ZFHX4: variants seen among roughly 807,000 people sequenced by gnomAD.
The protein encoded by ZFHX4 is zinc finger homeobox 4.
ZFHX4 carries 56 observed loss-of-function variants against 267.6 expected under a neutral mutation model. The ratio of observed to expected loss-of-function variants is 0.21; its 90% CI spans 0.17 to 0.26. The LOEUF (loss-of-function observed/expected upper bound fraction) is 0.26. ZFHX4 is among the 10% of genes least tolerant of loss of function. The probability of loss-of-function intolerance (pLI) is 1.00; values close to 1 mark genes in which losing one functional copy is unlikely to be tolerated. For synonymous variants in ZFHX4, 1,778 were observed against 1,665.6 expected, an observed-to-expected ratio of 1.07 and a Z score of -1.64; for missense variants, 4,332 against 4,420.0, an observed-to-expected ratio of 0.98 and a Z score of 0.56.
chr8:76,852,570 A>G lies in ZFHX4; in HGVS notation c.5649A>G (p.Lys1883=). 8 of 1,611,494 alleles carry G rather than the reference A, an allele frequency of 5.0e-6. No individual in the cohort carries two copies. The highest frequency in any genetic ancestry group is 6.8e-6 in the Non-Finnish European group (8 of 1,178,640). Residue 1883 remains lysine, a synonymous_variant, in exon 10 of 11, where the codon AAA becomes AAG. Transcript: ENST00000651372. ...AAGGTGAAGGACTCAAAGAAGGCAAAGACACAAAGAAGCAAAAATCCTTGG... is the reference window on the plus strand; with the variant it reads ...AAGGTGAAGGACTCAAAGAAGGCAAGGACACAAAGAAGCAAAAATCCTTGG... The part of the protein sequence containing the change: ...ISEGEGLKEG[K]DTKKQKSLEP...
At chr8:76,681,753 C>T (rs943132350) in intron 1 of ZFHX4, 133 bp downstream of exon 1, 1 of 324,678 alleles carries the variant, frequency 3.1e-6, no homozygotes, top group Non-Finnish European at 5.5e-6. Context: ...CTCTCTTCCT[C>T]TCTACCCCTA....
At chr8:76,738,702 C>T (rs1809235948) in intron 3 of ZFHX4, among the ~76,000 whole-genome samples, 1 of 132,202 alleles carries the variant, frequency 7.6e-6, no homozygotes, top group African/African-American at 2.8e-5. Flanking sequence ...CCCTCCCTTT[C>T]TCTCTCTCTT....
At chr8:76,835,209 G>GTATAGATATGTATATATATA in intron 5 of ZFHX4, among the ~76,000 whole-genome samples, 1 of 46,482 alleles carries the variant, frequency 2.2e-5, no homozygotes, top group East Asian at 1.1e-3. Flanking sequence ...TTGCTTTGGT[G>GTATAGATATGTATATATATA]TATATATATG....
At chr8:76,787,783 A>C (rs1810732499) in intron 4 of ZFHX4, among the ~76,000 whole-genome samples, 1 of 152,064 alleles carries the variant, frequency 6.6e-6, no homozygotes, top group African/African-American at 2.4e-5. Flanking sequence ...ACTGCACTCC[A>C]GCCTGGGCAA....
At chr8:76,681,962 A>G (rs1399889335) in intron 1 of ZFHX4, among the ~76,000 whole-genome samples, 1 of 152,146 alleles carries the variant, frequency 6.6e-6, no homozygotes, top group Non-Finnish European at 1.5e-5. Context: ...TTTTGGATTA[A>G]GTGGCGGAGG....
At chr8:76,711,209 T>C (rs574786894) in intron 3 of ZFHX4, among the ~76,000 whole-genome samples, 1 of 152,232 alleles carries the variant, frequency 6.6e-6, no homozygotes, top group Admixed American at 6.5e-5. Flanking sequence ...TTCCATAGAA[T>C]TTTTTTAAAA....
chr8:76,812,515 A>T (rs1182813987), intron 4 of ZFHX4, among the ~76,000 whole-genome samples: 2 of 152,210 alleles, frequency 1.3e-5, no homozygotes, highest in Non-Finnish European at 2.9e-5. Context: ...TAGGTTTTAA[A>T]TTTCTTATAC....
rs1255569312 is a variant in ZFHX4, at chr8:76,854,038, G to C, written c.7117G>C (p.Ala2373Pro). 3.1e-6 allele frequency: 5 copies of C among 1,613,798 alleles called. No homozygotes were observed. The highest frequency in any genetic ancestry group is 4.2e-6 in the Non-Finnish European group (5 of 1,179,876). The change falls in exon 10 of 11, where the codon GCT (alanine) becomes CCT (proline). Residue 2373 changes from alanine (A) to proline (P), a missense_variant. Physicochemically the swap from Ala to Pro is conservative, Grantham distance 27. Around this residue, in one of 7 missense-constraint regions of ZFHX4, gnomAD observed 1,648 missense variants for 1,625.0 expected, o/e 1.01. Transcript: ENST00000651372. ...HCTVSGQTDA[A>P]KNAAAPAASS... ...CACAGTGTCTGGCCAAACGGATGCA[G>C]CTAAAAACGCTGCTGCCCCTGCAGC...
chr8:76,686,406 A>G (rs150177132), intron 1 of ZFHX4, among the ~76,000 whole-genome samples: 233 of 152,304 alleles, frequency 1.5e-3, no homozygotes, highest in African/African-American at 5.4e-3. Flanking sequence ...GCTTCTGCTT[A>G]ATTTGCAGAA....
At chr8:76,861,166 T>C (rs1812856665) in intron 10 of ZFHX4, among the ~76,000 whole-genome samples, 1 of 152,212 alleles carries the variant, frequency 6.6e-6, no homozygotes, top group South Asian at 2.1e-4. Flanking sequence ...TGTGAGCCAT[T>C]CTTCAGTAAA....
intron 3 of ZFHX4, among the ~76,000 whole-genome samples, chr8:76,761,433 T>C (rs778731341): frequency 1.3e-5 from 2 of 152,216 alleles, no homozygotes; most frequent in Non-Finnish European, 2.9e-5. Context: ...TCATTACATG[T>C]AGTGGCCATG....
intron 3 of ZFHX4, among the ~76,000 whole-genome samples, chr8:76,746,494 C>T (rs1220142977): frequency 6.6e-5 from 10 of 152,136 alleles, no homozygotes; most frequent in Non-Finnish European, 4.4e-5. Context: ...GGATTCACCC[C>T]GGTGATCATT....
intron 3 of ZFHX4, among the ~76,000 whole-genome samples, chr8:76,722,569 A>T (rs879285025): frequency 1.3e-5 from 2 of 151,686 alleles, no homozygotes; most frequent in African/African-American, 4.8e-5. Context: ...GGTATTTTCT[A>T]TCTTAAGGTG....
chr8:76,783,578 G>C (rs1810608653), intron 4 of ZFHX4, among the ~76,000 whole-genome samples: 1 of 151,842 alleles, frequency 6.6e-6, no homozygotes, highest in Non-Finnish European at 1.5e-5. Context: ...CAGCATTCTT[G>C]CATAATGTAT....
At chr8:76,714,396 T>C (rs1415593748) in intron 3 of ZFHX4, among the ~76,000 whole-genome samples, 3 of 152,204 alleles carry the variant, frequency 2.0e-5, no homozygotes, top group Non-Finnish European at 2.9e-5. Context: ...CATCTGGACT[T>C]CCTGAACTTT....
chr8:76,684,813 T>C (rs1807650722), intron 1 of ZFHX4, among the ~76,000 whole-genome samples: 1 of 152,248 alleles, frequency 6.6e-6, no homozygotes, highest in Non-Finnish European at 1.5e-5. Flanking sequence ...AGTTGGATTA[T>C]TTTAAAAGAT....
chr8:76,843,431 G>A (rs1812287462), intron 6 of ZFHX4, among the ~76,000 whole-genome samples: 1 of 152,114 alleles, frequency 6.6e-6, no homozygotes, highest in South Asian at 2.1e-4. Context: ...TACTGTCTTT[G>A]AAAACAAACC....
In ZFHX4 at chr8:76,852,826, C is replaced by T; in HGVS notation, c.5905C>T (p.His1969Tyr). 1 of 1,613,872 alleles carries T rather than the reference C, an allele frequency of 6.2e-7. No individual in the cohort carries two copies. The highest frequency in any genetic ancestry group is 8.5e-7 in the Non-Finnish European group (1 of 1,179,842). Residue 1969 changes from histidine to tyrosine, a missense_variant, in exon 10 of 11, where the codon CAT becomes TAT. His to Tyr is a moderately conservative substitution (Grantham distance 83, BLOSUM62 2). Coordinates refer to ENST00000651372, the MANE Select transcript of ZFHX4 (RefSeq NM_024721.5). ...LILKSHQEHVHGQFFPYAALE... is the reference protein window; with the variant it reads ...LILKSHQEHVYGQFFPYAALE... The stretch of plus-strand genomic sequence containing the variant: ...TTTAAAGAGTCACCAAGAACATGTA[C>T]ATGGGCAATTTTTTCCATATGCAGC...
intron 6 of ZFHX4, among the ~76,000 whole-genome samples, chr8:76,847,450 T>C (rs1027426428): frequency 3.3e-5 from 5 of 151,960 alleles, no homozygotes; most frequent in Non-Finnish European, 5.9e-5. Flanking sequence ...CTCCGACACA[T>C]ATATATATAC....
Sources: allele counts gnomAD v4.1 joint callset (sites outside exome capture counted in the v4.1 genomes callset), GRCh38; gene constraint gnomAD v4.1.1; regional missense constraint gnomAD v4.1.1; transcripts MANE v1.5; gene names NCBI Gene and HGNC (gene_info 2026-07-23, HGNC 2026-07-21).